Variants in RGS6 observed in about 807,000 individuals in gnomAD.
The protein encoded by RGS6 is regulator of G-protein signaling 6.
Under a neutral mutation model 78.5 loss-of-function variants are expected in RGS6, and 30 were observed. The observed-to-expected ratio is 0.38, with a 90% CI of 0.29 to 0.52. The LOEUF is 0.52. Ranked by LOEUF, RGS6 falls within the 20% of genes least tolerant of loss-of-function variation. RGS6 has a pLI of 0.85. For synonymous variants in RGS6, 206 were observed against 206.0 expected (o/e 1.00, Z 0.00); for missense variants, 495 against 609.7 (o/e 0.81, Z 1.98).
At chr14:72,184,288 A>G (rs1262804995) in intron 2 of RGS6, among the ~76,000 whole-genome samples, 2 of 152,050 alleles carry the variant, frequency 1.3e-5, no homozygotes, top group Admixed American at 6.6e-5. Flanking sequence ...GCTTACAAAT[A>G]CCTTCTTTAA....
intron 2 of RGS6, among the ~76,000 whole-genome samples, chr14:72,042,050 C>T (rs4902981): frequency 0.12 from 17,699 of 151,832 alleles, 1,046 homozygotes; most frequent in East Asian, 0.17. Flanking sequence ...AAGGAATTTA[C>T]TGCTTAACTT....
At chr14:71,868,831 G>A in the RGS6 span, among the ~76,000 whole-genome samples, 1 of 152,098 alleles carries the variant, frequency 6.6e-6, no homozygotes, top group Non-Finnish European at 1.5e-5. Context: ...CTAATGATGG[G>A]GAGCCACAAC....
chr14:72,302,957 G>A (rs1312842846), intron 2 of RGS6, among the ~76,000 whole-genome samples: 2 of 152,126 alleles, frequency 1.3e-5, no homozygotes, highest in East Asian at 1.9e-4. Flanking sequence ...TCCCCTGTAC[G>A]TGCTCTCTTC....
intron 2 of RGS6, among the ~76,000 whole-genome samples, chr14:72,336,291 C>T (rs2076016561): frequency 1.3e-5 from 2 of 152,162 alleles, no homozygotes; most frequent in South Asian, 2.1e-4. Flanking sequence ...TTCTAGAAAA[C>T]AGTGTCTTTC....
intron 3 of RGS6, among the ~76,000 whole-genome samples, chr14:72,364,603 C>T (rs1442547847): frequency 2.0e-5 from 3 of 152,120 alleles, no homozygotes; most frequent in Admixed American, 1.3e-4. Flanking sequence ...CTATTGGGAC[C>T]CCAGTTCTTT....
At chr14:72,151,612 C>G (rs1002498403) in intron 2 of RGS6, among the ~76,000 whole-genome samples, 4 of 152,182 alleles carry the variant, frequency 2.6e-5, no homozygotes, top group Non-Finnish European at 4.4e-5. Flanking sequence ...TTTCCCCACT[C>G]TTACAGTTGA....
chr14:72,375,513 C>T (rs2084475960), intron 3 of RGS6, among the ~76,000 whole-genome samples: 1 of 152,084 alleles, frequency 6.6e-6, no homozygotes, highest in African/African-American at 2.4e-5. Context: ...TGAGAAAGAG[C>T]CCCACAGACT....
intron 2 of RGS6, among the ~76,000 whole-genome samples, chr14:72,022,999 C>T (rs527538500): frequency 6.6e-5 from 10 of 152,316 alleles, no homozygotes; most frequent in East Asian, 3.9e-4. Flanking sequence ...CTCTTACCTT[C>T]GTCTGTGTTC....
At chr14:72,200,725 G>A (rs1451846236) in intron 2 of RGS6, among the ~76,000 whole-genome samples, 1 of 152,160 alleles carries the variant, frequency 6.6e-6, no homozygotes, top group Non-Finnish European at 1.5e-5. Context: ...TTTGTTAAAT[G>A]TCTGGGGGAT....
At chr14:71,971,286 A>G (rs2093788164) in intron 2 of RGS6, among the ~76,000 whole-genome samples, 2 of 152,140 alleles carry the variant, frequency 1.3e-5, no homozygotes, top group Admixed American at 6.5e-5. Context: ...TTGGTTAGTA[A>G]AAGTCTGGAA....
chr14:72,341,446 A>C (rs1246521148), intron 2 of RGS6, among the ~76,000 whole-genome samples: 1 of 152,216 alleles, frequency 6.6e-6, no homozygotes, highest in Admixed American at 6.5e-5. Context: ...CCATAGTAAC[A>C]TGTATAATAC....
chr14:72,432,430 G>A lies in RGS6; in HGVS notation c.185-22098G>A, dbSNP rs558344099. On this transcript the variant is annotated intron_variant, in intron 3 of 17. Transcript: ENST00000553525. ...TCTCACCTTCCAGGAGTAAAGACGT[G>A]TCCCAAGTAATGGGTAGCTCCATGC... is the stretch of plus-strand genomic sequence containing the variant. 9.8e-5 allele frequency among the ~76,000 whole-genome samples: 15 copies of A among 152,314 alleles called. 1 individual carries two copies. In the South Asian group the frequency reaches 2.7e-3, roughly 27 times the overall value.
rs111850693 is a variant in RGS6 at position 72,024,336 on chromosome 14, C to G, written c.84+59461C>G. ...TGAATGTGCACACAGGATTCAGATA[C>G]GTGGCTGGCACTGACTTTCTTTACT... On this transcript the variant is annotated intron_variant, in intron 2 of 17. Transcript: ENST00000553525. Among the ~76,000 whole-genome samples the G allele has an allele frequency of 4.4e-3, 663 of 152,306 alleles. 5 individuals carry two copies. The highest frequency in any genetic ancestry group is 0.015 in the African/African-American group (637 of 41,582).
At chr14:72,179,095 C>A (rs763413032) in intron 2 of RGS6, among the ~76,000 whole-genome samples, 12 of 152,196 alleles carry the variant, frequency 7.9e-5, no homozygotes, top group African/African-American at 1.2e-4. Flanking sequence ...CCAAGATTTT[C>A]TCTGGAAAAG....
intron 2 of RGS6, among the ~76,000 whole-genome samples, chr14:72,089,524 A>G (rs2095187296): frequency 6.6e-6 from 1 of 152,244 alleles, no homozygotes; most frequent in Non-Finnish European, 1.5e-5. Flanking sequence ...GTTAGATACG[A>G]AGATTATCTG....
intron 2 of RGS6, among the ~76,000 whole-genome samples, chr14:72,188,492 A>G (rs2153712070): frequency 6.6e-6 from 1 of 152,096 alleles, no homozygotes; most frequent in East Asian, 1.9e-4. Flanking sequence ...CATCATCATC[A>G]TCATCATCAT....
At chr14:72,387,027 C>G (rs2088307981) in intron 3 of RGS6, among the ~76,000 whole-genome samples, 1 of 152,108 alleles carries the variant, frequency 6.6e-6, no homozygotes, top group Middle Eastern at 3.2e-3. Context: ...CGGTTACCAA[C>G]ACTCATCAAA....
chr14:72,108,732 C>G (rs909532625), intron 2 of RGS6, among the ~76,000 whole-genome samples: 3 of 152,094 alleles, frequency 2.0e-5, no homozygotes, highest in Admixed American at 1.3e-4. Context: ...TAATTCTTTT[C>G]TAAGCTCTGT....
At chr14:71,955,805 G>A (rs996451654) in intron 1 of RGS6, among the ~76,000 whole-genome samples, 2 of 145,770 alleles carry the variant, frequency 1.4e-5, no homozygotes, top group African/African-American at 5.2e-5. Context: ...AACTCTCTGG[G>A]AATGCAGCCC....
Sources: gnomAD v4.1 joint callset for allele counts (sites outside exome capture counted in the v4.1 genomes callset) on GRCh38, gnomAD v4.1.1 for gene constraint, MANE v1.5 for transcripts, NCBI Gene and HGNC (gene_info 2026-07-23, HGNC 2026-07-21) for gene names.